NCALD: variants seen among roughly 807,000 people sequenced by gnomAD.
NCALD encodes neurocalcin delta.
In NCALD, 10 loss-of-function variants were observed where a neutral mutation model predicts 18.6. That is an observed-to-expected ratio of 0.54 (90% CI 0.33 to 0.91). NCALD has a LOEUF of 0.91. Among genes scored for constraint, NCALD ranks in the 40% least tolerant of loss-of-function variants. The pLI is 0.03. For synonymous variants in NCALD, 88 were observed against 87.4 expected (o/e 1.01, Z -0.04); for missense variants, 184 against 247.6 (o/e 0.74, Z 1.72).
chr8:101,731,633 G>A (rs1816836996), intron 1 of NCALD, among the ~76,000 whole-genome samples: 1 of 152,126 alleles, frequency 6.6e-6, no homozygotes, highest in African/African-American at 2.4e-5. Flanking sequence ...GTGCACTGTT[G>A]TAACCATGTA....
chr8:101,810,655 C>T (rs531641363), intron 4 of NCALD, among the ~76,000 whole-genome samples: 1 of 152,150 alleles, frequency 6.6e-6, no homozygotes, highest in Non-Finnish European at 1.5e-5. Flanking sequence ...CATTTTTTTA[C>T]AAGAGAGAGG....
chr8:102,116,920 G>T (rs951122417), intron 1 of NCALD, among the ~76,000 whole-genome samples: 1 of 152,206 alleles, frequency 6.6e-6, no homozygotes, highest in Non-Finnish European at 1.5e-5. Flanking sequence ...ACGCAGCTGG[G>T]TTCTAAATCC....
In NCALD at chr8:101,901,069, G is replaced by C. The variant is rs187088831; in HGVS notation, c.-106-13842C>G. 3.4e-4 allele frequency among the ~76,000 whole-genome samples: 51 copies of C among 151,900 alleles called. No individual in the cohort carries two copies. The East Asian group carries it at 9.9e-3, about 29-fold the overall frequency. ...ATATGTATGTTTGCTATGTTGTTTT[G>C]GTAGATTGGCCCTTTTATCATTATA... On this transcript the variant is annotated intron_variant, in intron 3 of 6. Transcript: ENST00000311028.
chr8:102,032,513 G>C (rs1822711572), intron 1 of NCALD, among the ~76,000 whole-genome samples: 1 of 151,198 alleles, frequency 6.6e-6, no homozygotes, highest in South Asian at 2.1e-4. Context: ...ATCTGTTTTG[G>C]CTAGACTGAA....
intron 2 of NCALD, among the ~76,000 whole-genome samples, chr8:102,017,016 A>G (rs1235043894): frequency 6.6e-6 from 1 of 152,170 alleles, no homozygotes; most frequent in East Asian, 1.9e-4. Context: ...GAGAGAAACT[A>G]TAGAAAATAA....
intron 3 of NCALD, among the ~76,000 whole-genome samples, chr8:101,896,388 G>A (rs913242999): frequency 8.7e-4 from 132 of 152,120 alleles, no homozygotes; most frequent in African/African-American, 3.0e-3. Flanking sequence ...AGATTTAAAC[G>A]TTAGACCTAA....
At chr8:101,843,650 C>T (rs568981564) in intron 4 of NCALD, among the ~76,000 whole-genome samples, 2 of 143,846 alleles carry the variant, frequency 1.4e-5, no homozygotes, top group East Asian at 4.2e-4. Context: ...AATCTCAGCT[C>T]ACAGCAACTT....
chr8:102,003,602 T>C (rs1821570488), intron 2 of NCALD, among the ~76,000 whole-genome samples: 1 of 152,194 alleles, frequency 6.6e-6, no homozygotes, highest in Non-Finnish European at 1.5e-5. Flanking sequence ...CCAATATCCC[T>C]GATGAACATC....
At chr8:102,053,798 A>C (rs1823533768) in intron 1 of NCALD, among the ~76,000 whole-genome samples, 1 of 152,238 alleles carries the variant, frequency 6.6e-6, no homozygotes, top group Non-Finnish European at 1.5e-5. Context: ...GAGTCTTAAA[A>C]TTGATTTGCC....
chr8:101,894,876 T>G (rs910401086), intron 3 of NCALD, among the ~76,000 whole-genome samples: 44 of 150,286 alleles, frequency 2.9e-4, no homozygotes, highest in African/African-American at 1.1e-3. Flanking sequence ...AATCAATAGT[T>G]TACCAACCAA....
intron 4 of NCALD, among the ~76,000 whole-genome samples, chr8:101,796,387 T>C (rs1023189786): frequency 1.3e-5 from 2 of 152,218 alleles, no homozygotes; most frequent in African/African-American, 4.8e-5. Flanking sequence ...ACTCAAGTTA[T>C]TCATTTTCTG....
intron 4 of NCALD, among the ~76,000 whole-genome samples, chr8:101,843,123 T>C (rs1259860927): frequency 6.6e-6 from 1 of 152,220 alleles, no homozygotes; most frequent in Non-Finnish European, 1.5e-5. Context: ...CGATTGCCTC[T>C]AGATAAGGAG....
intron 1 of NCALD, among the ~76,000 whole-genome samples, chr8:102,020,909 A>T (rs1586934767): frequency 6.6e-6 from 1 of 152,026 alleles, no homozygotes; most frequent in Non-Finnish European, 1.5e-5. Flanking sequence ...CAGCGTTCAT[A>T]CACACTGCTC....
intron 2 of NCALD, among the ~76,000 whole-genome samples, chr8:101,975,605 A>G (rs1820393304): frequency 6.6e-6 from 1 of 152,192 alleles, no homozygotes; most frequent in Admixed American, 6.5e-5. Flanking sequence ...TGTTCAGGTG[A>G]CTGAATTTGT....
intron 1 of NCALD, among the ~76,000 whole-genome samples, chr8:101,729,867 A>G (rs2130565835): frequency 6.6e-6 from 1 of 152,288 alleles, no homozygotes; most frequent in East Asian, 1.9e-4. Context: ...CTGCCAATAA[A>G]ACATACTTCT....
rs958730996 is a variant in NCALD at position 101,981,804 on chromosome 8, G to A, written c.-157+38433C>T. On this transcript the variant is annotated intron_variant, in intron 2 of 6. Coordinates refer to the NCALD transcript ENST00000311028. ...GTATATGAATTCCAAGTCTCAAAGG[G>A]TAGTTCACGTCCTTATTTTGGGAGA... Among the ~76,000 whole-genome samples, 17 of 152,216 alleles carry A rather than the reference G, an allele frequency of 1.1e-4. 1 individual carries two copies. Among genetic ancestry groups the A allele is most frequent in the Admixed American group, 8.5e-4 (13 of 15,296 alleles).
chr8:101,793,266 C>T (rs780541973), upstream of NCALD, among the ~76,000 whole-genome samples: 1 of 151,084 alleles, frequency 6.6e-6, no homozygotes, highest in Non-Finnish European at 1.5e-5. Flanking sequence ...AGGAGGATCG[C>T]TTGAACCTGG....
intron 1 of NCALD, among the ~76,000 whole-genome samples, chr8:101,741,884 C>T (rs1007907977): frequency 1.4e-5 from 2 of 145,484 alleles, no homozygotes; most frequent in Middle Eastern, 3.4e-3. Context: ...CTGCAGCAAG[C>T]CATGATGGCA....
At chr8:101,839,739 TCAAGC>T (rs1288112763) in intron 4 of NCALD, among the ~76,000 whole-genome samples, 1 of 152,066 alleles carries the variant, frequency 6.6e-6, no homozygotes, top group Admixed American at 6.5e-5. Flanking sequence ...TTAGAATAAA[TCAAGC>T]CGAGGAGGTG....
Sources: allele counts gnomAD v4.1 joint callset (sites outside exome capture counted in the v4.1 genomes callset), GRCh38; gene constraint gnomAD v4.1.1; transcripts MANE v1.5; gene names NCBI Gene and HGNC (gene_info 2026-07-23, HGNC 2026-07-21).